Variants in MICAL3 observed in about 807,000 individuals in gnomAD.
The protein encoded by MICAL3 is microtubule associated monooxygenase, calponin and LIM domain containing 3.
In MICAL3, 62 loss-of-function variants were observed where a neutral mutation model predicts 207.4. The ratio of observed to expected loss-of-function variants is 0.30; its 90% confidence interval spans 0.24 to 0.37. MICAL3 has a LOEUF of 0.37. Ranked by LOEUF, MICAL3 falls within the 10% of genes least tolerant of loss-of-function variation. The pLI, the probability that MICAL3 is intolerant of heterozygous loss-of-function variation, is 1.00. For synonymous variants in MICAL3, 1,077 were observed against 1,069.3 expected (o/e 1.01, Z -0.14); for missense variants, 2,368 against 2,635.6 (o/e 0.90, Z 2.22).
At chr22:17,912,116 C>T (rs375830582) in intron 1 of MICAL3, among the ~76,000 whole-genome samples, 1 of 152,166 alleles carries the variant, frequency 6.6e-6, no homozygotes, top group East Asian at 1.9e-4. Flanking sequence ...TAGCAAGACC[C>T]CATCTCTTAA....
intron 19 of MICAL3, among the ~76,000 whole-genome samples, chr22:17,852,767 G>A (rs910925545): frequency 1.3e-5 from 2 of 152,172 alleles, no homozygotes; most frequent in Non-Finnish European, 2.9e-5. Context: ...TTTCAGGTTA[G>A]GAGTTGAAAA....
chr22:17,903,673 C>T (rs931959619), intron 3 of MICAL3, among the ~76,000 whole-genome samples: 1 of 152,202 alleles, frequency 6.6e-6, no homozygotes, highest in East Asian at 1.9e-4. Flanking sequence ...ACAGTATTTT[C>T]GCAGAGAACT....
At chr22:17,957,581 T>C (rs1326476675) in intron 1 of MICAL3, among the ~76,000 whole-genome samples, 3 of 151,752 alleles carry the variant, frequency 2.0e-5, no homozygotes. Context: ...CATGGTCGCG[T>C]GCGCCTGTAA....
chr22:17,818,116 C>G lies in MICAL3; in HGVS notation c.4545G>C (p.Glu1515Asp), dbSNP rs764210517. 1 of 1,611,856 alleles carries G rather than the reference C, an allele frequency of 6.2e-7. No homozygotes were observed. The highest frequency in any genetic ancestry group is 1.1e-5 in the South Asian group (1 of 90,708). Residue 1515 changes from glutamate (E) to aspartate (D), a missense_variant, in exon 26 of 32, where the codon GAG becomes GAC. Transcript: ENST00000441493. ...CAGCAAAGGGAATCTCCTCCACGCT[C>G]TCCACAAACGACTTCCGCACCTCCT... ...PREEVRKSFV[E>D]SVEEIPFADD... is the part of the protein sequence containing the mutation.
Position 17,896,649 on chromosome 22 carries a change from A to C in MICAL3, c.1206+75T>G, listed in dbSNP as rs574216933. 4,710 of 1,491,840 alleles carry C rather than the reference A, an allele frequency of 3.2e-3. 17 individuals carry two copies. The highest frequency in any genetic ancestry group is 4.0e-3 in the Non-Finnish European group (4,412 of 1,092,342). The allele number at this position is 1,491,840 out of a possible 1,614,324, so 92.4% of individuals were successfully genotyped here. On this transcript the variant is annotated intron_variant, in intron 8 of 31. Transcript: ENST00000441493. ...GTACAACACTGCAGACGCTCATTCC[A>C]AGACCCAGGATGCCCAGATTCACTC...
At chr22:17,846,960 C>T (rs1839222671) in intron 19 of MICAL3, among the ~76,000 whole-genome samples, 2 of 152,354 alleles carry the variant, frequency 1.3e-5, no homozygotes, top group Admixed American at 1.3e-4. Context: ...ATGAGCTCCA[C>T]ACATCATTCT....
At chr22:17,937,624 T>C (rs905741974) in intron 1 of MICAL3, among the ~76,000 whole-genome samples, 4 of 152,166 alleles carry the variant, frequency 2.6e-5, no homozygotes, top group Admixed American at 1.3e-4. Context: ...GATCACGCCA[T>C]TGTACTCCAG....
At position 17,895,174 on chromosome 22, in the gene MICAL3, A is replaced by G. The variant is rs936013265; in HGVS notation, c.1449+110T>C. ...AGAGACATCTACCTGGATGACTAAA[A>G]AAGTATCCTTGTATGTGTGGTATTA... On this transcript the variant is annotated intron_variant, in intron 10 of 31. Coordinates refer to ENST00000441493, the MANE Select transcript of MICAL3 (RefSeq NM_015241.3). 3.5e-5 allele frequency: 41 copies of G among 1,158,682 alleles called. No homozygotes were observed. The East Asian group carries it at 6.7e-4, about 19-fold the overall frequency. 71.8% of individuals were successfully genotyped at this position (1,158,682 alleles called of 1,614,324 possible).
At position 17,864,889 on chromosome 22, in the gene MICAL3, G is replaced by C. The variant is rs751950351; in HGVS notation, c.2605+10C>G. The C allele has an allele frequency of 2.5e-6, 4 of 1,613,792 alleles. No individual in the cohort carries two copies. Among genetic ancestry groups the C allele is most frequent in the Non-Finnish European group, 3.4e-6 (4 of 1,179,892 alleles). ...ACGCGCCACCCAGCCAAACAAGGAAGTGAGGCTACCTGGGGTTCTCTCAGT... is the reference window on the plus strand; with the variant it reads ...ACGCGCCACCCAGCCAAACAAGGAACTGAGGCTACCTGGGGTTCTCTCAGT... On this transcript the variant is annotated intron_variant, in intron 19 of 31. Transcript: ENST00000441493.
chr22:17,820,509 C>G (rs1348405104), intron 25 of MICAL3, among the ~76,000 whole-genome samples: 1 of 152,168 alleles, frequency 6.6e-6, no homozygotes, highest in Non-Finnish European at 1.5e-5. Context: ...CGCCCGCCAC[C>G]ACGCCCGGCT....
intron 20 of MICAL3, among the ~76,000 whole-genome samples, chr22:17,835,586 G>C (rs1451913766): frequency 6.6e-6 from 1 of 152,216 alleles, no homozygotes; most frequent in African/African-American, 2.4e-5. Context: ...CGACCCTTTG[G>C]ACCTTAGCCT....
At chr22:17,795,611 T>C (rs1328311993) in intron 29 of MICAL3, among the ~76,000 whole-genome samples, 1 of 151,960 alleles carries the variant, frequency 6.6e-6, no homozygotes, top group Admixed American at 6.6e-5. Flanking sequence ...GGAAATGAAA[T>C]TAGAAAAAGG....
At chr22:17,824,052 C>T (rs1338754965) in intron 22 of MICAL3, among the ~76,000 whole-genome samples, 1 of 152,014 alleles carries the variant, frequency 6.6e-6, no homozygotes, top group Non-Finnish European at 1.5e-5. Flanking sequence ...CCCTCGACAA[C>T]TTCCCCTCCC....
At chr22:17,837,964 G>A (rs906304850) in intron 20 of MICAL3, among the ~76,000 whole-genome samples, 8 of 152,302 alleles carry the variant, frequency 5.3e-5, no homozygotes, top group African/African-American at 1.2e-4. Flanking sequence ...CCACAGGAGC[G>A]TACCACCACG....
intron 20 of MICAL3, chr22:17,834,417 A>C: frequency 1.6e-6 from 2 of 1,285,816 alleles, no homozygotes; most frequent in Non-Finnish European, 1.0e-6. Flanking sequence ...GGTGACACAG[A>C]AAAGACTCTT....
intron 16 of MICAL3, among the ~76,000 whole-genome samples, chr22:17,875,832 G>A (rs1177145510): frequency 2.6e-5 from 4 of 152,134 alleles, no homozygotes; most frequent in Non-Finnish European, 4.4e-5. Flanking sequence ...GCACAGCCTC[G>A]GCCTCCCTCT....
intron 1 of MICAL3, among the ~76,000 whole-genome samples, chr22:17,962,428 G>A (rs1053082879): frequency 5.9e-5 from 9 of 152,206 alleles, no homozygotes; most frequent in African/African-American, 2.2e-4. Context: ...AGCTGACCCA[G>A]GGCTCTTAGA....
intron 7 of MICAL3, 44 bp from the exon 8 acceptor site, chr22:17,897,025 C>T (rs566452091): frequency 1.9e-6 from 3 of 1,568,152 alleles, no homozygotes; most frequent in East Asian, 2.2e-5. Context: ...GAAGCTCTGG[C>T]ACTCAGCCAG....
intron 1 of MICAL3, among the ~76,000 whole-genome samples, chr22:17,970,044 A>C (rs1935329034): frequency 6.6e-6 from 1 of 152,186 alleles, no homozygotes; most frequent in African/African-American, 2.4e-5. Context: ...CAGGATTCAC[A>C]GTGTGCAGAG....
Sources: allele counts gnomAD v4.1 joint callset (sites outside exome capture counted in the v4.1 genomes callset), GRCh38; gene constraint gnomAD v4.1.1; transcripts MANE v1.5; gene names NCBI Gene and HGNC (gene_info 2026-07-23, HGNC 2026-07-21).